Variants in PDZD2 observed in about 807,000 individuals in gnomAD.
The protein encoded by PDZD2 is PDZ domain-containing protein 2.
PDZD2 carries 90 observed loss-of-function variants against 220.7 expected under a neutral mutation model. The observed-to-expected ratio is 0.41, with a 90% confidence interval of 0.34 to 0.49. The LOEUF (loss-of-function observed/expected upper bound fraction) is 0.49, where lower values mean the gene tolerates loss of function less well. Among genes scored for constraint, PDZD2 ranks in the 20% least tolerant of loss-of-function variants. PDZD2 has a pLI of 0.28. For synonymous variants in PDZD2, 1,375 were observed against 1,450.5 expected (o/e 0.95, Z 1.18); for missense variants, 3,174 against 3,608.5 (o/e 0.88, Z 3.08).
chr5:31,803,122 C>A (rs1754501303), intron 2 of PDZD2, among the ~76,000 whole-genome samples: 1 of 150,136 alleles, frequency 6.7e-6, no homozygotes, highest in Non-Finnish European at 1.5e-5. Flanking sequence ...TTGCAGACAG[C>A]GTCTTACTCT....
intron 1 of PDZD2, among the ~76,000 whole-genome samples, chr5:31,730,018 G>A (rs2150155653): frequency 6.6e-6 from 1 of 152,276 alleles, no homozygotes; most frequent in South Asian, 2.1e-4. Context: ...AGTAGAGACA[G>A]GGTTTCGCCA....
intron 2 of PDZD2, among the ~76,000 whole-genome samples, chr5:31,806,577 C>T (rs971614571): frequency 1.3e-5 from 2 of 152,216 alleles, no homozygotes; most frequent in African/African-American, 2.4e-5. Flanking sequence ...CCTGCCCCAT[C>T]TTGAAGGCAC....
intron 2 of PDZD2, among the ~76,000 whole-genome samples, chr5:31,880,134 A>C (rs1739735520): frequency 6.6e-6 from 1 of 151,798 alleles, no homozygotes; most frequent in Non-Finnish European, 1.5e-5. Context: ...ATGTTGGCCA[A>C]GCTGGCCTTG....
intron 2 of PDZD2, among the ~76,000 whole-genome samples, chr5:31,849,582 G>A (rs1465062418): frequency 1.1e-4 from 16 of 151,944 alleles, no homozygotes; most frequent in Non-Finnish European, 1.9e-4. Context: ...GGTGGCTCAC[G>A]CCTGTAATCC....
intron 2 of PDZD2, among the ~76,000 whole-genome samples, chr5:31,888,985 C>T (rs779004172): frequency 5.3e-5 from 8 of 152,248 alleles, no homozygotes; most frequent in Non-Finnish European, 8.8e-5. Flanking sequence ...TTCAGTTTCT[C>T]CTTCCTCAGT....
At chr5:31,896,286 G>A (rs1034538433) in intron 2 of PDZD2, among the ~76,000 whole-genome samples, 1 of 151,572 alleles carries the variant, frequency 6.6e-6, no homozygotes, top group African/African-American at 2.4e-5. Flanking sequence ...CATCCTAGGT[G>A]ACTTTATTGC....
intron 2 of PDZD2, among the ~76,000 whole-genome samples, chr5:31,878,526 C>T (rs983693469): frequency 1.4e-5 from 2 of 140,628 alleles, no homozygotes; most frequent in Non-Finnish European, 3.1e-5. Flanking sequence ...ACGTACAGGT[C>T]CTTTTCTTTG....
In PDZD2 at chr5:32,072,601, C is replaced by T. The variant is rs533965511; in HGVS notation, c.2725+284C>T. On this transcript the variant is annotated intron_variant, in intron 17 of 24. Transcript: ENST00000438447. ...CAAAAATTAGCCAGGCGTGGTGGCACGCGCCTGTAATCCCAGCTACTTGGG... is the reference window on the plus strand; with the variant it reads ...CAAAAATTAGCCAGGCGTGGTGGCATGCGCCTGTAATCCCAGCTACTTGGG... Among the ~76,000 whole-genome samples the T allele has an allele frequency of 1.1e-3, 172 of 152,252 alleles. 1 individual carries two copies. The highest frequency in any genetic ancestry group is 3.9e-3 in the African/African-American group (164 of 41,548).
intron 2 of PDZD2, among the ~76,000 whole-genome samples, chr5:31,871,762 T>C (rs948237974): frequency 2.0e-5 from 3 of 152,166 alleles, no homozygotes; most frequent in African/African-American, 7.2e-5. Flanking sequence ...ACTTGAGCTT[T>C]CATCATTTGC....
At chr5:31,929,362 G>GA (rs1307135048) in intron 2 of PDZD2, among the ~76,000 whole-genome samples, 18 of 152,202 alleles carry the variant, frequency 1.2e-4, no homozygotes. Context: ...TTCTTTGTGG[G>GA]AGGACTGTCT....
rs1307677275 is a variant in PDZD2, at chr5:32,109,706, T to TTATG, written c.*1573_*1576dup. ...TACCTGTGTGCATGACACTAAGATT[T>TTATG]TATGTTGGAGATACTTCTTTAAATA... is the stretch of plus-strand genomic sequence containing the variant. On this transcript the variant is annotated 3_prime_UTR_variant, in exon 25 of 25. Coordinates refer to ENST00000438447, the MANE Select transcript of PDZD2 (RefSeq NM_178140.4). 2.6e-5 allele frequency: 4 copies of TTATG among 152,172 alleles called. No homozygotes were observed. In the East Asian group the frequency reaches 7.7e-4, roughly 29 times the overall value. The allele number at this position is 152,172 out of a possible 1,614,324, so 9.4% of individuals were successfully genotyped here.
intron 18 of PDZD2, among the ~76,000 whole-genome samples, chr5:32,076,288 G>GAAAAAAAAAA (rs67898034): frequency 1.1e-5 from 1 of 87,928 alleles, no homozygotes; most frequent in African/African-American, 4.4e-5. Flanking sequence ...TCGGTCTCAA[G>GAAAAAAAAAA]AAAAAAAAAA....
intron 2 of PDZD2, among the ~76,000 whole-genome samples, chr5:31,802,944 C>T (rs1754485932): frequency 1.5e-5 from 2 of 131,422 alleles, no homozygotes; most frequent in African/African-American, 3.1e-5. Flanking sequence ...AAAAAAAAGA[C>T]GCGCACACAT....
intron 2 of PDZD2, among the ~76,000 whole-genome samples, chr5:31,804,077 T>C (rs1476481915): frequency 6.6e-6 from 1 of 151,186 alleles, no homozygotes; most frequent in Admixed American, 6.6e-5. Context: ...AATAAGAACA[T>C]ATAATGAAAA....
intron 2 of PDZD2, among the ~76,000 whole-genome samples, chr5:31,866,171 G>A (rs2150317761): frequency 6.6e-6 from 1 of 151,846 alleles, no homozygotes; most frequent in South Asian, 2.1e-4. Context: ...GCTAATTTTT[G>A]TCTTTTTTAT....
chr5:32,058,758 T>C (rs1249884766), intron 12 of PDZD2, among the ~76,000 whole-genome samples: 1 of 152,018 alleles, frequency 6.6e-6, no homozygotes, highest in East Asian at 1.9e-4. Flanking sequence ...TATAGTTAAG[T>C]GTACAGTTAA....
chr5:31,696,989 A>C (rs1747406337), intron 1 of PDZD2, among the ~76,000 whole-genome samples: 1 of 152,186 alleles, frequency 6.6e-6, no homozygotes, highest in East Asian at 1.9e-4. Flanking sequence ...ACTGCCAGAG[A>C]CTTCAGAACA....
chr5:31,681,480 T>G (rs1746647924), intron 1 of PDZD2, among the ~76,000 whole-genome samples: 1 of 152,144 alleles, frequency 6.6e-6, no homozygotes, highest in African/African-American at 2.4e-5. Context: ...ACTCCTGACC[T>G]CAAGTAATCC....
At chr5:31,850,243 TACACACACACACACAC>T (rs1554082942) in intron 2 of PDZD2, among the ~76,000 whole-genome samples, 1 of 122,230 alleles carries the variant, frequency 8.2e-6, no homozygotes, top group African/African-American at 3.0e-5. Flanking sequence ...TATATATATA[TACACACACACACACAC>T]ACATATATAT....
Sources: gnomAD v4.1 joint callset for allele counts (sites outside exome capture counted in the v4.1 genomes callset) on GRCh38, gnomAD v4.1.1 for gene constraint, MANE v1.5 for transcripts, NCBI Gene and HGNC (gene_info 2026-07-23, HGNC 2026-07-21) for gene names.